The following LRP8 variants were observed in gnomAD, a reference collection of about 807,000 sequenced individuals.
LRP8 encodes LDL receptor related protein 8, also known as low-density lipoprotein receptor-related protein 8.
A neutral mutation model predicts 111.6 loss-of-function variants in LRP8; 46 were observed. The observed-to-expected ratio is 0.41, with a 90% CI of 0.33 to 0.53. The LOEUF is 0.53. Ranked by LOEUF, LRP8 falls within the 20% of genes least tolerant of loss-of-function variation. The probability of loss-of-function intolerance (pLI) is 0.20; values close to 1 mark genes in which losing one functional copy is unlikely to be tolerated. For missense variants in LRP8, 959 were observed against 1,297.4 expected (o/e 0.74, Z 4.01); for synonymous variants, 464 against 511.2 (o/e 0.91, Z 1.24).
At chr1:53,323,556 C>T (rs1572704371) in intron 2 of LRP8, among the ~76,000 whole-genome samples, 2 of 152,270 alleles carry the variant, frequency 1.3e-5, no homozygotes, top group African/African-American at 2.4e-5. Flanking sequence ...CTTCCCCTGG[C>T]TGGGCTTCCT....
Position 53,276,913 on chromosome 1 carries a change from C to G in LRP8, c.662G>C (p.Cys221Ser). 1 of 1,434,990 alleles carries G rather than the reference C, an allele frequency of 7.0e-7. No individual in the cohort carries two copies. The highest frequency in any genetic ancestry group is 9.1e-7 in the Non-Finnish European group (1 of 1,096,422). The allele number at this position is 1,434,990 out of a possible 1,614,324, so 88.9% of individuals were successfully genotyped here. ...GTCGCAGACCCAGCGCTCCGGGATG[C>G]AGGCGCCGCCGCCATCGCCGCCGCA... Reference protein sequence around the residue: ...FRCGGDGGGACIPERWVCDRQ... With the variant: ...FRCGGDGGGASIPERWVCDRQ... The change falls in exon 5 of 19, where the codon TGC becomes TCC. Residue 221 changes from cysteine (C) to serine (S), a missense_variant. This residue lies in a region of LRP8 where 819 missense variants were observed against 1,097.6 expected (regional missense o/e 0.75). Transcript: ENST00000306052.
intron 4 of LRP8, among the ~76,000 whole-genome samples, chr1:53,277,508 T>C (rs983521922): frequency 6.6e-6 from 1 of 152,168 alleles, no homozygotes. Context: ...CTGAGTCCCC[T>C]GGCCTGGTAT....
rs902946853 is a variant in LRP8 at position 53,294,515 on chromosome 1, T to C, written c.245-4826A>G. ...TGTGAGCCGCACTTTCTTCGTCTGC[T>C]TCACGGGACACACAGGGTCATTGTG... On this transcript the variant is annotated intron_variant, in intron 2 of 18. Coordinates refer to ENST00000306052, the MANE Select transcript of LRP8 (RefSeq NM_004631.5). The surrounding 1 kb of genome is among the most constrained non-coding windows in gnomAD (Gnocchi z 4.1). 2.0e-5 allele frequency among the ~76,000 whole-genome samples: 3 copies of C among 152,246 alleles called. No individual in the cohort carries two copies. Among genetic ancestry groups the C allele is most frequent in the African/African-American group, 7.2e-5 (3 of 41,464 alleles).
chr1:53,320,180 T>C (rs539824700), intron 2 of LRP8, among the ~76,000 whole-genome samples: 61 of 152,390 alleles, frequency 4.0e-4, no homozygotes, highest in Middle Eastern at 3.4e-3. Context: ...GATGACTTCT[T>C]GGCAATCCAG....
rs906404494 is a variant in LRP8, at chr1:53,262,251, T to G, written c.1775-44A>C. On this transcript the variant is annotated intron_variant, in intron 11 of 18. Coordinates refer to ENST00000306052, the MANE Select transcript of LRP8 (RefSeq NM_004631.5). The surrounding 1 kb of genome is among the most constrained non-coding windows in gnomAD (Gnocchi z 4.8). ...TCAGGTCATGAACCTGGGACCCCAG[T>G]CTGGAGCTCTGTTCCTTTGTACCTC... 9.3e-6 allele frequency: 15 copies of G among 1,609,480 alleles called. No individual in the cohort carries two copies. Among genetic ancestry groups the G allele is most frequent in the Non-Finnish European group, 1.3e-5 (15 of 1,178,320 alleles).
At chr1:53,323,787 C>A (rs1654811294) in intron 2 of LRP8, among the ~76,000 whole-genome samples, 1 of 152,250 alleles carries the variant, frequency 6.6e-6, no homozygotes, top group African/African-American at 2.4e-5. Context: ...GGGGGAGTCA[C>A]TTCACCTCTC....
chr1:53,242,951 A>G lies in LRP8; in HGVS notation c.*4067T>C, dbSNP rs1208065541. Reference sequence around the variant, plus strand: ...GGTTTCTGCTAATTCTTGACTGTGCACATGGTGCATAGCCTGAATGAACAG... The same window carrying G: ...GGTTTCTGCTAATTCTTGACTGTGCGCATGGTGCATAGCCTGAATGAACAG... On this transcript the variant is annotated 3_prime_UTR_variant, in exon 19 of 19. Transcript: ENST00000306052. 1 of 152,050 alleles carries G rather than the reference A, an allele frequency of 6.6e-6. No homozygotes were observed. The highest frequency in any genetic ancestry group is 1.5e-5 in the Non-Finnish European group (1 of 68,024). 9.4% of individuals were successfully genotyped at this position (152,050 alleles called of 1,614,324 possible). A position where few individuals can be genotyped will look rare whatever the true frequency, so the allele number is the denominator to read the frequency against.
Position 53,275,621 on chromosome 1 carries a change from C to T in LRP8, c.1006+10G>A, listed in dbSNP as rs367663619. 156 of 1,613,716 alleles carry T rather than the reference C, an allele frequency of 9.7e-5. No individual in the cohort carries two copies. Among genetic ancestry groups the T allele is most frequent in the Non-Finnish European group, 1.2e-4 (142 of 1,179,866 alleles). On this transcript the variant is annotated intron_variant, in intron 6 of 18. Transcript: ENST00000306052. This position sits in a 1 kb window ranked among gnomAD's most constrained non-coding sequence, Gnocchi z 4.4. ...ACAGAGGATGTGTTCTGTGCCCTGACCACACGCACCCTGTAGGCAGCCAGC... is the reference window on the plus strand; with the variant it reads ...ACAGAGGATGTGTTCTGTGCCCTGATCACACGCACCCTGTAGGCAGCCAGC...
At chr1:53,270,340 C>T (rs923647127) in intron 8 of LRP8, among the ~76,000 whole-genome samples, 7 of 152,186 alleles carry the variant, frequency 4.6e-5, no homozygotes, top group Admixed American at 4.6e-4. Context: ...GCAGTTCTCC[C>T]ATCAGAATGT....
intron 12 of LRP8, among the ~76,000 whole-genome samples, chr1:53,261,434 C>A (rs571988987): frequency 1.3e-5 from 2 of 152,338 alleles, no homozygotes; most frequent in East Asian, 3.9e-4. Context: ...CCACCACAGA[C>A]CATCATCCCT....
intron 2 of LRP8, among the ~76,000 whole-genome samples, chr1:53,307,870 G>A (rs1465485127): frequency 6.6e-6 from 1 of 152,354 alleles, no homozygotes; most frequent in South Asian, 2.1e-4. Flanking sequence ...GACCTAGGAC[G>A]AGGGTGTCCC....
rs1022955118 is a variant in LRP8 at position 53,303,615 on chromosome 1, G to A, written c.245-13926C>T. On this transcript the variant is annotated intron_variant, in intron 2 of 18. Transcript: ENST00000306052. This position sits in a 1 kb window ranked among gnomAD's most constrained non-coding sequence, Gnocchi z 4.3. The stretch of plus-strand genomic sequence containing the variant: ...ATTTACAAGTACTTAGGCTCATTCC[G>A]TTGAACGTTAGGACCAAGGAGCCAC... Among the ~76,000 whole-genome samples the A allele has an allele frequency of 2.0e-5, 3 of 152,198 alleles. No homozygotes were observed. Among genetic ancestry groups the A allele is most frequent in the East Asian group, 1.9e-4 (1 of 5,198 alleles).
chr1:53,308,625 C>T (rs1652435255), intron 2 of LRP8, among the ~76,000 whole-genome samples: 1 of 152,304 alleles, frequency 6.6e-6, no homozygotes, highest in Admixed American at 6.5e-5. Context: ...GGAAATCCCC[C>T]ATCCTCACCG....
chr1:53,262,135 C>G lies in LRP8; in HGVS notation c.1847G>C (p.Gly616Ala), dbSNP rs1440561311. 1.2e-6 allele frequency: 2 copies of G among 1,613,992 alleles called. No homozygotes were observed. The highest frequency in any genetic ancestry group is 1.7e-6 in the Non-Finnish European group (2 of 1,180,042). Residue 616 changes from glycine (G) to alanine (A), a missense_variant, in exon 12 of 19, where the codon GGC (glycine) becomes GCC (alanine). Gly to Ala is a moderately conservative substitution (Grantham distance 60). Around this residue, in one of 3 missense-constraint regions of LRP8, gnomAD observed 819 missense variants for 1,097.6 expected, o/e 0.75. Transcript: ENST00000306052. The surrounding 1 kb of genome is among the most constrained non-coding windows in gnomAD (Gnocchi z 4.8). ...HQLSSIDFSG[G>A]NRKTLISSTD... ...GGAGGAGATCAGCGTCTTTCTGTTG[C>G]CTCCACTGAAGTCAATGCTGGACAG...
At chr1:53,273,777 A>T (rs1344549928) in intron 6 of LRP8, among the ~76,000 whole-genome samples, 2 of 152,092 alleles carry the variant, frequency 1.3e-5, no homozygotes, top group Non-Finnish European at 2.9e-5. Context: ...CAGTTTTTTA[A>T]TCTTCAAAAG....
In LRP8 at chr1:53,250,996, T is replaced by A. The variant is rs1645877762; in HGVS notation, c.2504-134A>T. The stretch of plus-strand genomic sequence containing the variant: ...GCTCTGTTTCTGCATGTTCTTTTAC[T>A]GCTGTTTGAAAGCCCATCTCTCATC... On this transcript the variant is annotated intron_variant, in intron 16 of 18. Transcript: ENST00000306052. The surrounding 1 kb of genome is among the most constrained non-coding windows in gnomAD (Gnocchi z 4.6). 8.6e-6 allele frequency: 6 copies of A among 700,164 alleles called. No homozygotes were observed. In the South Asian group the frequency reaches 1.1e-4, roughly 12 times the overall value. The allele number at this position is 700,164 out of a possible 1,614,324, so 43.4% of individuals were successfully genotyped here.
intron 2 of LRP8, among the ~76,000 whole-genome samples, chr1:53,302,551 C>T (rs1223616580): frequency 6.6e-6 from 1 of 152,124 alleles, no homozygotes; most frequent in Non-Finnish European, 1.5e-5. Flanking sequence ...GGCTGTTACA[C>T]CCAGGGTTTT....
chr1:53,271,971 C>T (rs947550405), intron 6 of LRP8, among the ~76,000 whole-genome samples: 2 of 151,884 alleles, frequency 1.3e-5, no homozygotes, highest in Admixed American at 6.6e-5. Flanking sequence ...GGGTGCCTTT[C>T]TCTGGACTCA....
rs543377649 is a variant in LRP8, at chr1:53,315,468, G to A, written c.244+11405C>T. On this transcript the variant is annotated intron_variant, in intron 2 of 18. Coordinates refer to ENST00000306052, the MANE Select transcript of LRP8 (RefSeq NM_004631.5). ...CCTGTCAATCCCACAACCACCTTGA[G>A]GGGCGGCTCCATCCTCCAGATGAGG... 7.2e-5 allele frequency among the ~76,000 whole-genome samples: 11 copies of A among 152,348 alleles called. No homozygotes were observed. In the East Asian group the frequency reaches 1.9e-3, roughly 27 times the overall value.
Sources: allele counts gnomAD v4.1 joint callset (sites outside exome capture counted in the v4.1 genomes callset), GRCh38; gene constraint gnomAD v4.1.1; regional missense constraint gnomAD v4.1.1; non-coding constraint Gnocchi (gnomAD v3.1); transcripts MANE v1.5; gene names NCBI Gene and HGNC (gene_info 2026-07-23, HGNC 2026-07-21).